Variants in AGBL4 observed in about 807,000 individuals in gnomAD.
AGBL4 encodes the protein cytosolic carboxypeptidase 6.
A neutral mutation model predicts 66.4 loss-of-function variants in AGBL4; 58 were observed. The ratio of observed to expected loss-of-function variants is 0.87; its 90% CI spans 0.71 to 1.09. AGBL4 has a LOEUF of 1.09. Ranked by LOEUF, AGBL4 falls within the 50% of genes least tolerant of loss-of-function variation. AGBL4 has a pLI of 0.00. For missense variants in AGBL4, 579 were observed against 631.0 expected (o/e 0.92, Z 0.88); for synonymous variants, 234 against 222.9 (o/e 1.05, Z -0.44).
chr1:49,246,349 T>A (rs1282025198), intron 3 of AGBL4, among the ~76,000 whole-genome samples: 1 of 152,086 alleles, frequency 6.6e-6, no homozygotes, highest in East Asian at 1.9e-4. Flanking sequence ...GTAAGAGTAG[T>A]ACATTTAAAG....
chr1:48,817,792 C>T (rs1646216059), intron 6 of AGBL4: 1 of 458,726 alleles, frequency 2.2e-6, no homozygotes, highest in African/African-American at 2.0e-5. Flanking sequence ...TCCCACACAT[C>T]CTGATATGTC....
chr1:48,736,327 G>A lies in AGBL4; in HGVS notation c.635-73086C>T. On this transcript the variant is annotated intron_variant, in intron 6 of 13. Transcript: ENST00000371839. The surrounding 1 kb of genome is among the most constrained non-coding windows in gnomAD (Gnocchi z 4.0). ...TTGTGGCGACGCCTGTGACGCTTCTGTTTTTCAGAACATCTGTTCCCCAAA... is the reference window on the plus strand; with the variant it reads ...TTGTGGCGACGCCTGTGACGCTTCTATTTTTCAGAACATCTGTTCCCCAAA... 6.2e-7 allele frequency: 1 copy of A among 1,614,100 alleles called. No homozygotes were observed. The highest frequency in any genetic ancestry group is 8.5e-7 in the Non-Finnish European group (1 of 1,180,032).
At chr1:49,857,062 C>T (rs919808216) in intron 1 of AGBL4, among the ~76,000 whole-genome samples, 7 of 149,962 alleles carry the variant, frequency 4.7e-5, no homozygotes, top group Non-Finnish European at 1.0e-4. Flanking sequence ...CTATGTAAAT[C>T]ATAACTATTT....
intron 1 of AGBL4, among the ~76,000 whole-genome samples, chr1:49,945,290 G>T (rs1394539321): frequency 6.6e-6 from 1 of 152,000 alleles, no homozygotes; most frequent in Non-Finnish European, 1.5e-5. Context: ...TAAGACAAAG[G>T]AAAGAATTTT....
At chr1:49,808,947 CT>C (rs1455611920) in intron 2 of AGBL4, among the ~76,000 whole-genome samples, 6 of 152,216 alleles carry the variant, frequency 3.9e-5, no homozygotes, top group African/African-American at 1.2e-4. Flanking sequence ...ATATGGTTTG[CT>C]CCCTATTTGC....
At chr1:49,413,636 T>C (rs1645364370) in intron 3 of AGBL4, among the ~76,000 whole-genome samples, 1 of 152,166 alleles carries the variant, frequency 6.6e-6, no homozygotes, top group Non-Finnish European at 1.5e-5. Flanking sequence ...TGACAGTCTT[T>C]CACTGGATCT....
At chr1:48,844,946 A>C (rs1416646354) in intron 6 of AGBL4, among the ~76,000 whole-genome samples, 4 of 152,238 alleles carry the variant, frequency 2.6e-5, no homozygotes, top group Non-Finnish European at 5.9e-5. Context: ...GATGGACTAC[A>C]ATGAACAATC....
At chr1:48,530,334 A>G (rs908055341), downstream of AGBL4, among the ~76,000 whole-genome samples, 3 of 152,244 alleles carry the variant, frequency 2.0e-5, no homozygotes, top group African/African-American at 7.2e-5. Context: ...CCTGACACAC[A>G]GTATATGTTC....
At position 49,402,006 on chromosome 1, in the gene AGBL4, G is replaced by A. The variant is rs562763210; in HGVS notation, c.283-156142C>T. Among the ~76,000 whole-genome samples, 189 of 152,136 alleles carry A rather than the reference G, an allele frequency of 1.2e-3. 1 individual carries two copies. The highest frequency in any genetic ancestry group is 2.4e-3 in the Non-Finnish European group (162 of 67,974). ...GCCACCAGTGATCCTTTGAATTTGT[G>A]TTATCAGTTGTAATGTCTCTTTTAT... is the stretch of plus-strand genomic sequence containing the variant. On this transcript the variant is annotated intron_variant, in intron 3 of 13. Coordinates refer to ENST00000371839, the MANE Select transcript of AGBL4 (RefSeq NM_032785.4).
chr1:49,402,307 A>C (rs963369281), intron 3 of AGBL4, among the ~76,000 whole-genome samples: 2 of 152,190 alleles, frequency 1.3e-5, no homozygotes, highest in Admixed American at 6.5e-5. Flanking sequence ...TGGTGTAGGC[A>C]TGTATAGCTA....
chr1:48,936,089 C>A (rs1655447189), intron 5 of AGBL4, among the ~76,000 whole-genome samples: 1 of 147,074 alleles, frequency 6.8e-6, no homozygotes, highest in African/African-American at 2.5e-5. Context: ...GAGCTTGAGA[C>A]CAACCTGGGC....
At chr1:49,073,917 G>A (rs998997854) in intron 4 of AGBL4, among the ~76,000 whole-genome samples, 1 of 152,248 alleles carries the variant, frequency 6.6e-6, no homozygotes, top group African/African-American at 2.4e-5. Flanking sequence ...TCTCTGACTG[G>A]GGCTGCTGCT....
chr1:49,635,951 T>A (rs1239787619), intron 3 of AGBL4, among the ~76,000 whole-genome samples: 1 of 152,160 alleles, frequency 6.6e-6, no homozygotes, highest in African/African-American at 2.4e-5. Flanking sequence ...AACTAAAAAT[T>A]AGATACCTCC....
intron 3 of AGBL4, among the ~76,000 whole-genome samples, chr1:49,494,160 A>G (rs1449851578): frequency 1.3e-5 from 2 of 151,944 alleles, no homozygotes; most frequent in African/African-American, 4.8e-5. Context: ...AATTCACTGA[A>G]GCCCACATTA....
chr1:48,889,985 C>T (rs972402749), intron 5 of AGBL4, among the ~76,000 whole-genome samples: 1 of 90,320 alleles, frequency 1.1e-5, no homozygotes, highest in Admixed American at 1.2e-4. Context: ...TCACAGCCTG[C>T]TTGCGTGTGT....
At chr1:49,146,720 C>G (rs755444631) in intron 4 of AGBL4, among the ~76,000 whole-genome samples, 2 of 152,244 alleles carry the variant, frequency 1.3e-5, no homozygotes, top group African/African-American at 2.4e-5. Context: ...AGAAGTGCCC[C>G]AGACACCCTC....
intron 6 of AGBL4, among the ~76,000 whole-genome samples, chr1:48,769,570 C>CACA (rs34256470): frequency 0.014 from 2,016 of 142,330 alleles, 24 homozygotes; most frequent in Admixed American, 0.019. Flanking sequence ...CACACACACA[C>CACA]AAGTTAAATT....
At chr1:48,807,071 T>G (rs553350281) in intron 6 of AGBL4, among the ~76,000 whole-genome samples, 39 of 152,344 alleles carry the variant, frequency 2.6e-4, no homozygotes, top group Middle Eastern at 6.8e-3. Flanking sequence ...CTCTTCAAGA[T>G]TCACTCAGAT....
At chr1:49,257,572 A>AC (rs1423555729) in intron 3 of AGBL4, 1 of 152,592 alleles carries the variant, frequency 6.6e-6, no homozygotes, top group Non-Finnish European at 1.5e-5. Flanking sequence ...AGGTGCTGTC[A>AC]CCCCTTTCCT....
Sources: allele counts gnomAD v4.1 joint callset (sites outside exome capture counted in the v4.1 genomes callset), GRCh38; gene constraint gnomAD v4.1.1; non-coding constraint Gnocchi (gnomAD v3.1); transcripts MANE v1.5; gene names NCBI Gene and HGNC (gene_info 2026-07-23, HGNC 2026-07-21).